The following PZP variants were observed in gnomAD, a reference collection of about 807,000 sequenced individuals.
PZP encodes the protein pregnancy zone protein.
A neutral mutation model predicts 179.8 loss-of-function variants in PZP; 150 were observed. The observed-to-expected ratio is 0.83, with a 90% CI of 0.73 to 0.96. The LOEUF (loss-of-function observed/expected upper bound fraction) is 0.96, where lower values mean the gene tolerates loss of function less well. PZP is among the 40% of genes least tolerant of loss of function. The pLI is 0.00. For synonymous variants in PZP, 624 were observed against 652.3 expected (o/e 0.96, Z 0.66); for missense variants, 1,689 against 1,764.0 (o/e 0.96, Z 0.76).
At chr12:9,179,415 A>C (rs1316541773) in intron 15 of PZP, among the ~76,000 whole-genome samples, 2 of 152,244 alleles carry the variant, frequency 1.3e-5, no homozygotes, top group African/African-American at 4.8e-5. Context: ...TAATAAAATA[A>C]ATAAATCATC....
At position 9,182,132 on chromosome 12, in the gene PZP, G is replaced by GAGTGAGACAAAATGGTCAT; in HGVS notation, c.1547-34_1547-16dup. The GAGTGAGACAAAATGGTCAT allele has an allele frequency of 6.4e-7, 1 of 1,554,332 alleles. No individual in the cohort carries two copies. Among genetic ancestry groups the GAGTGAGACAAAATGGTCAT allele is most frequent in the Middle Eastern group, 1.7e-4 (1 of 5,822 alleles). On this transcript the variant is annotated splice_polypyrimidine_tract_variant and intron_variant, in intron 13 of 35. Coordinates refer to ENST00000261336, the MANE Select transcript of PZP (RefSeq NM_002864.3). ...ACTGCCTTTCACTGGAACATGGAGA[G>GAGTGAGACAAAATGGTCAT]AGTGAGACAAAATGGTCATAAGTGA...
intron 15 of PZP, among the ~76,000 whole-genome samples, chr12:9,176,053 C>T (rs1352562556): frequency 6.6e-6 from 1 of 152,164 alleles, no homozygotes; most frequent in Non-Finnish European, 1.5e-5. Flanking sequence ...GACATGGAAT[C>T]AATCTAAATG....
intron 1 of PZP, among the ~76,000 whole-genome samples, chr12:9,207,344 AC>A (rs1391314044): frequency 6.6e-6 from 1 of 152,120 alleles, no homozygotes; most frequent in Non-Finnish European, 1.5e-5. Context: ...CTATTATTGG[AC>A]CCAAGAGTTC....
chr12:9,165,360 C>G lies in PZP; in HGVS notation c.2266G>C (p.Gly756Arg), dbSNP rs1565633792. ...IWELVAVNSSGVAEVGVTVPD... is the reference protein window; with the variant it reads ...IWELVAVNSSRVAEVGVTVPD... ...ACTGTTACTCCTACCTCAGCCACAC[C>G]TGATGAGCTGGGGAGGAGGGCAAGT... is the stretch of plus-strand genomic sequence containing the variant. The change falls in exon 19 of 36, where the codon GGT becomes CGT. Residue 756 changes from glycine to arginine, a missense_variant. Gly to Arg is a moderately radical substitution (Grantham distance 125). Around this residue, in one of 3 missense-constraint regions of PZP, gnomAD observed 201 missense variants for 284.2 expected, o/e 0.71. Transcript: ENST00000261336. 4.3e-6 allele frequency: 7 copies of G among 1,613,862 alleles called. No homozygotes were observed. In the Middle Eastern group the frequency reaches 4.9e-4, roughly 114 times the overall value.
intron 17 of PZP, among the ~76,000 whole-genome samples, chr12:9,166,453 G>A (rs973946058): frequency 1.3e-5 from 2 of 152,130 alleles, no homozygotes; most frequent in African/African-American, 2.4e-5. Flanking sequence ...CTGGAAAAAC[G>A]AGATCACTTG....
intron 1 of PZP, among the ~76,000 whole-genome samples, chr12:9,207,870 T>G (rs573407262): frequency 2.2e-4 from 34 of 152,144 alleles, no homozygotes; most frequent in Non-Finnish European, 4.0e-4. Context: ...GATACATGAT[T>G]GAAAAATAAA....
In PZP at chr12:9,165,967, T is replaced by A. The variant is rs1314455369; in HGVS notation, c.2258+85A>T. 2.0e-6 allele frequency: 3 copies of A among 1,485,308 alleles called. No homozygotes were observed. In the African/African-American group the frequency reaches 4.2e-5, roughly 21 times the overall value. The allele number at this position is 1,485,308 out of a possible 1,614,324, so 92.0% of individuals were successfully genotyped here. ...GGTTAAGATAATTATTCAGAACTTT[T>A]CAGGAAGATTGTCTTAGAATTGAAA... is the stretch of plus-strand genomic sequence containing the variant. On this transcript the variant is annotated intron_variant, in intron 18 of 35. Coordinates refer to ENST00000261336, the MANE Select transcript of PZP (RefSeq NM_002864.3).
chr12:9,149,442 G>T, intron 35 of PZP, 119 bp downstream of exon 35: 1 of 993,142 alleles, frequency 1.0e-6, no homozygotes, highest in Non-Finnish European at 1.5e-6. Flanking sequence ...TTGGTGTGAG[G>T]ACATGCCATG....
rs748671263 is a variant in PZP at position 9,203,770 on chromosome 12, T to C, written c.265A>G (p.Thr89Ala). 3.7e-6 allele frequency: 6 copies of C among 1,613,972 alleles called. No individual in the cohort carries two copies. Among genetic ancestry groups the C allele is most frequent in the Non-Finnish European group, 2.5e-6 (3 of 1,179,960 alleles). ...CCAGCTGGCACCGTAGCACTCACAG[T>C]GAAGGAGACACAGTGGAATAAGTCC... is the stretch of plus-strand genomic sequence containing the variant. ...EKDLFHCVSF[T>A]LPRISASSEV... Residue 89 changes from threonine (T) to alanine (A), a missense_variant and splice_region_variant, in exon 2 of 36, where the codon ACT (threonine) becomes GCT (alanine). By Grantham distance (58) the Thr-to-Ala change is moderately conservative. Around this residue, in one of 3 missense-constraint regions of PZP, gnomAD observed 742 missense variants for 730.5 expected, o/e 1.02. Coordinates refer to ENST00000261336, the MANE Select transcript of PZP (RefSeq NM_002864.3).
chr12:9,151,837 CATT>C (rs1473468659), intron 32 of PZP, among the ~76,000 whole-genome samples, 165 bp from the exon 33 acceptor site: 11 of 152,216 alleles, frequency 7.2e-5, no homozygotes, highest in Non-Finnish European at 1.6e-4. Context: ...CCAAGTAACA[CATT>C]AGAGCCTCTG....
At chr12:9,155,468 CTTG>C (rs1592446261) in intron 28 of PZP, among the ~76,000 whole-genome samples, 1 of 150,508 alleles carries the variant, frequency 6.6e-6, no homozygotes, top group Admixed American at 6.7e-5. Context: ...ACTTTTGATT[CTTG>C]TTTTGTTTTT....
intron 17 of PZP, among the ~76,000 whole-genome samples, chr12:9,167,972 T>C (rs1277347493): frequency 2.6e-5 from 4 of 152,216 alleles, no homozygotes; most frequent in Admixed American, 2.6e-4. Flanking sequence ...TGTGCTATCA[T>C]TGAAGGTATA....
chr12:9,149,070 G>A, intron 35 of PZP, 76 bp from the exon 36 acceptor site: 2 of 1,348,450 alleles, frequency 1.5e-6, no homozygotes, highest in Non-Finnish European at 1.1e-6. Flanking sequence ...GCAGCAGAGT[G>A]AGCTTATGCA....
intron 13 of PZP, among the ~76,000 whole-genome samples, chr12:9,185,696 A>G (rs1943055721): frequency 6.6e-6 from 1 of 152,098 alleles, no homozygotes; most frequent in African/African-American, 2.4e-5. Flanking sequence ...GAGAGAAAGG[A>G]CAAGTCACCT....
chr12:9,151,672 G>A lies in PZP; in HGVS notation c.4213C>T (p.Leu1405Phe), dbSNP rs778946959. 1.9e-6 allele frequency: 3 copies of A among 1,613,208 alleles called. No individual in the cohort carries two copies. Among genetic ancestry groups the A allele is most frequent in the African/African-American group, 2.7e-5 (2 of 75,028 alleles). Residue 1405 changes from leucine to phenylalanine, a missense_variant and splice_region_variant, in exon 33 of 36, where the codon CTT (leucine) becomes TTT (phenylalanine). Around this residue, in one of 3 missense-constraint regions of PZP, gnomAD observed 746 missense variants for 749.2 expected, o/e 1.00. Transcript: ENST00000261336. ...FIPLKPTVKM[L>F]ERSSSVSRTE... ...CGGCTCACAGAGCTAGATCTTTCAA[G>A]CTGGAGAGAATTAGAAAACTTCAGT...
At chr12:9,140,489 C>T in the PZP span, among the ~76,000 whole-genome samples, 5 of 152,168 alleles carry the variant, frequency 3.3e-5, no homozygotes, top group South Asian at 4.2e-4. Context: ...TGCCAGTAAC[C>T]GTTATTAAAA....
At chr12:9,175,849 T>C (rs1942327256) in intron 15 of PZP, among the ~76,000 whole-genome samples, 1 of 152,130 alleles carries the variant, frequency 6.6e-6, no homozygotes, top group African/African-American at 2.4e-5. Flanking sequence ...ATGCTTTTTT[T>C]ACTGTTGTGG....
chr12:9,181,896 A>G lies in PZP; in HGVS notation c.1689+79T>C, dbSNP rs768544223. 73 of 1,472,608 alleles carry G rather than the reference A, an allele frequency of 5.0e-5. 1 individual carries two copies. The South Asian group carries it at 9.2e-4, about 19-fold the overall frequency. The allele number at this position is 1,472,608 out of a possible 1,614,324, so 91.2% of individuals were successfully genotyped here. On this transcript the variant is annotated intron_variant, in intron 14 of 35. Coordinates refer to ENST00000261336, the MANE Select transcript of PZP (RefSeq NM_002864.3). ...CAACTCATTTTACTTTTCTGGACTT[A>G]GTTTTCTCTGGGGTAAAATAGATGG...
At chr12:9,189,743 C>T (rs1228176178) in intron 13 of PZP, among the ~76,000 whole-genome samples, 1 of 152,228 alleles carries the variant, frequency 6.6e-6, no homozygotes, top group East Asian at 1.9e-4. Flanking sequence ...ATCTATGCAT[C>T]CAATAAAGGT....
Sources: allele counts gnomAD v4.1 joint callset (sites outside exome capture counted in the v4.1 genomes callset), GRCh38; gene constraint gnomAD v4.1.1; regional missense constraint gnomAD v4.1.1; transcripts MANE v1.5; gene names NCBI Gene and HGNC (gene_info 2026-07-23, HGNC 2026-07-21).